KCNH5: variants seen among roughly 807,000 people sequenced by gnomAD.
KCNH5 encodes the protein potassium voltage-gated channel subfamily H member 5, also known as voltage-gated delayed rectifier potassium channel KCNH5.
Under a neutral mutation model 96.1 loss-of-function variants are expected in KCNH5, and 46 were observed. The observed-to-expected ratio is 0.48, with a 90% CI of 0.38 to 0.61. The LOEUF (loss-of-function observed/expected upper bound fraction) is 0.61, where lower values mean the gene tolerates loss of function less well. Ranked by LOEUF, KCNH5 falls within the 20% of genes least tolerant of loss-of-function variation. KCNH5 has a pLI of 0.00. For missense variants in KCNH5, 907 were observed against 1,225.8 expected, an observed-to-expected ratio of 0.74 and a Z score of 3.88; for synonymous variants, 439 against 449.8, an observed-to-expected ratio of 0.98 and a Z score of 0.30.
intron 8 of KCNH5, among the ~76,000 whole-genome samples, chr14:62,825,639 T>C (rs1056377198): frequency 3.3e-5 from 5 of 152,174 alleles, no homozygotes; most frequent in African/African-American, 1.2e-4. Flanking sequence ...CCATAGGTGA[T>C]TAACATATTG....
intron 6 of KCNH5, among the ~76,000 whole-genome samples, chr14:62,953,613 G>A (rs190614017): frequency 6.6e-6 from 1 of 152,294 alleles, no homozygotes; most frequent in Admixed American, 6.5e-5. Flanking sequence ...CAGACCTGGG[G>A]CGAAGCCTCA....
At chr14:62,767,428 G>A (rs1885883972) in intron 10 of KCNH5, among the ~76,000 whole-genome samples, 1 of 152,018 alleles carries the variant, frequency 6.6e-6, no homozygotes, top group Admixed American at 6.6e-5. Flanking sequence ...CAACCTAAAT[G>A]CTTATCAATG....
intron 7 of KCNH5, among the ~76,000 whole-genome samples, chr14:62,925,746 C>G (rs1268097291): frequency 2.0e-5 from 3 of 152,042 alleles, no homozygotes; most frequent in Non-Finnish European, 2.9e-5. Flanking sequence ...AGCTTGTAAT[C>G]AAGCCTTGTA....
chr14:62,781,235 A>G (rs769389844), intron 9 of KCNH5, among the ~76,000 whole-genome samples: 3 of 152,112 alleles, frequency 2.0e-5, no homozygotes, highest in Non-Finnish European at 2.9e-5. Flanking sequence ...AAGGGGAGGG[A>G]GTGTGCGAAT....
At chr14:62,711,498 C>T (rs1013260688) in intron 10 of KCNH5, among the ~76,000 whole-genome samples, 41 of 152,088 alleles carry the variant, frequency 2.7e-4, no homozygotes, top group Non-Finnish European at 4.9e-4. Context: ...CCCCTTTTTA[C>T]GCCCGGGAGA....
At chr14:62,758,125 C>G (rs1423039447) in intron 10 of KCNH5, among the ~76,000 whole-genome samples, 1 of 138,596 alleles carries the variant, frequency 7.2e-6, no homozygotes, top group Non-Finnish European at 1.5e-5. Flanking sequence ...AGCTTGGTGA[C>G]AGAGCGAGAC....
intron 10 of KCNH5, among the ~76,000 whole-genome samples, chr14:62,750,987 T>G (rs1169001892): frequency 1.3e-5 from 2 of 152,062 alleles, no homozygotes; most frequent in Non-Finnish European, 2.9e-5. Flanking sequence ...TGGAGTAAAC[T>G]TGCTCCATAA....
At chr14:62,977,890 G>C (rs1890531251) in intron 6 of KCNH5, among the ~76,000 whole-genome samples, 1 of 152,186 alleles carries the variant, frequency 6.6e-6, no homozygotes, top group African/African-American at 2.4e-5. Flanking sequence ...TAACACCTGT[G>C]AAAGAGGGAA....
intron 7 of KCNH5, among the ~76,000 whole-genome samples, chr14:62,910,908 C>CAT (rs1889137732): frequency 7.7e-6 from 1 of 129,764 alleles, no homozygotes; most frequent in Non-Finnish European, 1.6e-5. Flanking sequence ...ACCACACACA[C>CAT]ACACACACAC....
chr14:62,747,607 G>T (rs1472744671), intron 10 of KCNH5, among the ~76,000 whole-genome samples: 1 of 152,166 alleles, frequency 6.6e-6, no homozygotes, highest in Non-Finnish European at 1.5e-5. Flanking sequence ...GCAAGCTTTA[G>T]GTCAAGTTAA....
chr14:62,881,535 T>C (rs1386750703), intron 7 of KCNH5, among the ~76,000 whole-genome samples: 1 of 152,082 alleles, frequency 6.6e-6, no homozygotes, highest in African/African-American at 2.4e-5. Context: ...GTGCCTGGCT[T>C]AATACGTGGG....
intron 8 of KCNH5, among the ~76,000 whole-genome samples, chr14:62,845,462 C>T (rs1887672285): frequency 6.6e-6 from 1 of 152,166 alleles, no homozygotes; most frequent in South Asian, 2.1e-4. Context: ...GGTAGATACA[C>T]ACACACATAC....
chr14:62,949,046 C>T (rs1439969398), intron 7 of KCNH5, among the ~76,000 whole-genome samples: 1 of 151,208 alleles, frequency 6.6e-6, no homozygotes, highest in African/African-American at 2.4e-5. Context: ...AACCCACAGC[C>T]AATATCATAC....
chr14:63,007,069 G>A (rs868322146), intron 2 of KCNH5, among the ~76,000 whole-genome samples: 2 of 152,174 alleles, frequency 1.3e-5, no homozygotes, highest in Non-Finnish European at 2.9e-5. Context: ...GAAGTTATAA[G>A]AGAAATAGGT....
At chr14:62,779,206 TAA>T (rs1408653363) in intron 10 of KCNH5, among the ~76,000 whole-genome samples, 3 of 152,222 alleles carry the variant, frequency 2.0e-5, no homozygotes, top group Non-Finnish European at 4.4e-5. Flanking sequence ...AGCAGCAGTG[TAA>T]AATAAAGGAT....
chr14:62,789,001 C>G (rs1886376647), intron 9 of KCNH5, among the ~76,000 whole-genome samples: 1 of 151,946 alleles, frequency 6.6e-6, no homozygotes, highest in South Asian at 2.1e-4. Context: ...TAGCTATAGT[C>G]TTCATCTATA....
intron 7 of KCNH5, among the ~76,000 whole-genome samples, chr14:62,853,876 G>A (rs1189925601): frequency 2.0e-5 from 3 of 151,724 alleles, no homozygotes; most frequent in Non-Finnish European, 4.4e-5. Flanking sequence ...GCATGGTGGT[G>A]CACACCTGAT....
chr14:62,852,744 C>G (rs1887832625), intron 7 of KCNH5, among the ~76,000 whole-genome samples: 1 of 152,112 alleles, frequency 6.6e-6, no homozygotes, highest in Non-Finnish European at 1.5e-5. Context: ...TATCTTCAAT[C>G]TTGAGTCTGG....
rs1227769043 is a variant in KCNH5, at chr14:63,016,827, C to A, written c.197+4G>T. On this transcript the variant is annotated splice_donor_region_variant and intron_variant, in intron 2 of 10. Coordinates refer to ENST00000322893, the MANE Select transcript of KCNH5 (RefSeq NM_139318.5). ...AAAGATTACTTAGCTATTCTGTTAC[C>A]TACCTGCAAGTGCTGCTTTTCTGCA... 1.9e-6 allele frequency: 3 copies of A among 1,604,626 alleles called. No homozygotes were observed. The highest frequency in any genetic ancestry group is 2.6e-6 in the Non-Finnish European group (3 of 1,176,450).
Sources: allele counts gnomAD v4.1 joint callset (sites outside exome capture counted in the v4.1 genomes callset), GRCh38; gene constraint gnomAD v4.1.1; transcripts MANE v1.5; gene names NCBI Gene and HGNC (gene_info 2026-07-23, HGNC 2026-07-21).